Variants in MTCL2 observed in about 807,000 individuals in gnomAD.
The protein encoded by MTCL2 is microtubule cross-linking factor 2.
the MTCL2 span, among the ~76,000 whole-genome samples, chr20:36,791,967 T>C: frequency 2.9e-3 from 439 of 152,294 alleles, 1 homozygote; most frequent in African/African-American, 0.01. Context: ...CTCACTAACA[T>C]TCAAATAAGG....
chr20:36,838,923 C>T, the MTCL2 span, among the ~76,000 whole-genome samples: 5 of 151,610 alleles, frequency 3.3e-5, no homozygotes, highest in South Asian at 2.1e-4. Context: ...GAGCTGAGAT[C>T]GCGCCATTGC....
the MTCL2 span, chr20:36,815,546 G>C: frequency 6.4e-7 from 1 of 1,572,270 alleles, no homozygotes; most frequent in African/African-American, 1.4e-5. The surrounding 1 kb of genome is among the most constrained non-coding windows in gnomAD (Gnocchi z 5.3). Context: ...TCTCGCCCAG[G>C]GGAGCAGGCA....
At chr20:36,839,224 T>C in the MTCL2 span, 1 of 1,595,172 alleles carries the variant, frequency 6.3e-7, no homozygotes, top group Non-Finnish European at 8.5e-7. The surrounding 1 kb of genome is among the most constrained non-coding windows in gnomAD (Gnocchi z 5.1). Context: ...GACCTTGACA[T>C]CCTGCTCCAG....
chr20:36,826,319 CT>C, the MTCL2 span, among the ~76,000 whole-genome samples: 1 of 6,976 alleles, frequency 1.4e-4, no homozygotes, highest in African/African-American at 6.3e-4. Context: ...CCCCCTCCCC[CT>C]CTCCCTCCCC....
chr20:36,786,478 T>C, the MTCL2 span: 3 of 1,528,284 alleles, frequency 2.0e-6, no homozygotes, highest in Non-Finnish European at 2.6e-6. Context: ...GGAGCTTGGC[T>C]GCTCTGTCAC....
the MTCL2 span, chr20:36,815,935 C>T: frequency 7.4e-6 from 12 of 1,612,450 alleles, no homozygotes; most frequent in African/African-American, 5.3e-5. This position sits in a 1 kb window ranked among gnomAD's most constrained non-coding sequence, Gnocchi z 5.3. Flanking sequence ...CCGCACTCTC[C>T]GCCACCCAGC....
At chr20:36,801,825 G>A in the MTCL2 span, among the ~76,000 whole-genome samples, 32 of 150,550 alleles carry the variant, frequency 2.1e-4, 1 homozygote, top group Admixed American at 2.1e-3. Context: ...TTAGCCGGGT[G>A]TGGTGGCACG....
chr20:36,784,171 T>C, the MTCL2 span: 6 of 985,996 alleles, frequency 6.1e-6, no homozygotes, highest in African/African-American at 5.2e-5. Context: ...CTCTGGTGGC[T>C]TGTGGCCTGA....
the MTCL2 span, among the ~76,000 whole-genome samples, chr20:36,811,977 G>T: frequency 3.1e-3 from 473 of 152,290 alleles, 7 homozygotes; most frequent in African/African-American, 0.011. Context: ...CTTAGAAGGG[G>T]CTCAGAACTA....
the MTCL2 span, chr20:36,797,059 G>C: frequency 1.0e-6 from 1 of 956,854 alleles, no homozygotes. Context: ...CTCATCCGGA[G>C]AGCAGGAATG....
At chr20:36,846,778 G>A in the MTCL2 span, among the ~76,000 whole-genome samples, 14 of 152,252 alleles carry the variant, frequency 9.2e-5, no homozygotes, top group African/African-American at 2.6e-4. Context: ...AGGCCGAGGC[G>A]GATGGATTAC....
At chr20:36,785,711 C>G in the MTCL2 span, 1 of 985,470 alleles carries the variant, frequency 1.0e-6, no homozygotes, top group Non-Finnish European at 1.2e-6. Context: ...TATTTCTGTC[C>G]TCAAGGGGTC....
the MTCL2 span, among the ~76,000 whole-genome samples, chr20:36,800,150 G>A: frequency 5.3e-5 from 8 of 152,168 alleles, no homozygotes; most frequent in Non-Finnish European, 1.2e-4. Context: ...CTAGAGGGCC[G>A]GCAAGTCTCT....
chr20:36,798,072 ATT>A, the MTCL2 span, among the ~76,000 whole-genome samples: 9 of 142,680 alleles, frequency 6.3e-5, no homozygotes, highest in Non-Finnish European at 7.7e-5. Context: ...ACATTAGTTA[ATT>A]TTTTTTTTTT....
At chr20:36,833,567 G>A in the MTCL2 span, among the ~76,000 whole-genome samples, 1 of 152,272 alleles carries the variant, frequency 6.6e-6, no homozygotes, top group Non-Finnish European at 1.5e-5. Flanking sequence ...AGCAGCTCCT[G>A]GCCGGGCATG....
the MTCL2 span, chr20:36,814,995 G>C: frequency 1.8e-5 from 15 of 851,076 alleles, no homozygotes; most frequent in African/African-American, 1.0e-4. Flanking sequence ...CCAGGATATC[G>C]AGGCTGCAGT....
the MTCL2 span, among the ~76,000 whole-genome samples, chr20:36,825,681 C>T: frequency 2.0e-5 from 3 of 152,204 alleles, no homozygotes; most frequent in African/African-American, 4.8e-5. Flanking sequence ...GTCAGGATGG[C>T]AACGGCAGAT....
At chr20:36,855,924 T>G in the MTCL2 span, among the ~76,000 whole-genome samples, 82 of 151,888 alleles carry the variant, frequency 5.4e-4, no homozygotes, top group African/African-American at 1.9e-3. Context: ...CTCTCCTCCC[T>G]CCCCAGGCCT....
the MTCL2 span, chr20:36,862,837 G>GGGGCTGCTGCGCGGAGGGCGC: frequency 1.6e-6 from 2 of 1,289,504 alleles, no homozygotes; most frequent in Non-Finnish European, 2.0e-6. Context: ...GGCGGCCGCG[G>GGGGCTGCTGCGCGGAGGGCGC]GGGCTGCTGC....
Sources: gnomAD v4.1 joint callset for allele counts (sites outside exome capture counted in the v4.1 genomes callset) on GRCh38, gnomAD v4.1.1 for gene constraint, Gnocchi (gnomAD v3.1) non-coding constraint, MANE v1.5 for transcripts, NCBI Gene and HGNC (gene_info 2026-07-23, HGNC 2026-07-21) for gene names.